The following PALM2AKAP2 variants were observed in gnomAD, a reference collection of about 807,000 sequenced individuals.
The protein encoded by PALM2AKAP2 is PALM2-AKAP2 fusion protein.
In PALM2AKAP2, 37 loss-of-function variants were observed where a neutral mutation model predicts 71.5. The observed-to-expected ratio is 0.52, with a 90% CI of 0.40 to 0.68. The LOEUF is 0.68. Ranked by LOEUF, PALM2AKAP2 falls within the 30% of genes least tolerant of loss-of-function variation. The pLI, the probability that PALM2AKAP2 is intolerant of heterozygous loss-of-function variation, is 0.00. For synonymous variants in PALM2AKAP2, 468 were observed against 478.8 expected (o/e 0.98, Z 0.29); for missense variants, 1,224 against 1,191.8 (o/e 1.03, Z -0.40).
chr9:109,651,513 C>T (rs1176616861), intron 1 of PALM2AKAP2, among the ~76,000 whole-genome samples: 1 of 152,130 alleles, frequency 6.6e-6, no homozygotes, highest in African/African-American at 2.4e-5. Flanking sequence ...TTGGAGTATG[C>T]CATCTGCTTC....
intron 1 of PALM2AKAP2, chr9:110,127,774 T>C (rs1449719640): frequency 2.0e-5 from 3 of 152,232 alleles, no homozygotes; most frequent in African/African-American, 4.8e-5. Flanking sequence ...TTCAATTCTT[T>C]TTGCCCGGCA....
In PALM2AKAP2 at chr9:109,985,580, A is replaced by G. The variant is rs144949215; in HGVS notation, c.497-30374A>G. Among the ~76,000 whole-genome samples the G allele has an allele frequency of 2.3e-3, 341 of 147,232 alleles. 1 individual carries two copies. The highest frequency in any genetic ancestry group is 8.0e-3 in the African/African-American group (319 of 39,990). ...GCTTGCAATGAGCCGAGATGGCACC[A>G]CTGCACTCCAGCCTGGGCGACAGAA... is the stretch of plus-strand genomic sequence containing the variant. On this transcript the variant is annotated intron_variant, in intron 6 of 9. Transcript: ENST00000302798.
At chr9:110,115,917 A>C (rs1288212630) in intron 1 of PALM2AKAP2, among the ~76,000 whole-genome samples, 1 of 152,194 alleles carries the variant, frequency 6.6e-6, no homozygotes, top group East Asian at 1.9e-4. Flanking sequence ...TTCATCGAAA[A>C]AGCATCTCTG....
intron 1 of PALM2AKAP2, among the ~76,000 whole-genome samples, chr9:110,123,030 G>C (rs1308889094): frequency 6.6e-6 from 1 of 152,144 alleles, no homozygotes; most frequent in African/African-American, 2.4e-5. Flanking sequence ...CCACTTTTCT[G>C]GAGTACCTAA....
chr9:109,950,091 G>T (rs753139411), intron 6 of PALM2AKAP2, among the ~76,000 whole-genome samples: 1 of 152,030 alleles, frequency 6.6e-6, no homozygotes, highest in African/African-American at 2.4e-5. Context: ...TCAAGACCAG[G>T]CTAGGCAACA....
intron 1 of PALM2AKAP2, among the ~76,000 whole-genome samples, chr9:109,822,523 T>C (rs1317870265): frequency 6.6e-6 from 1 of 152,210 alleles, no homozygotes; most frequent in Non-Finnish European, 1.5e-5. Context: ...CTCACCCTTT[T>C]CCCACCTTCT....
chr9:110,006,953 G>T (rs1274090666), intron 6 of PALM2AKAP2, among the ~76,000 whole-genome samples: 1 of 152,124 alleles, frequency 6.6e-6, no homozygotes, highest in Non-Finnish European at 1.5e-5. Context: ...CAGTTTTGAT[G>T]ATTCTATTCC....
At chr9:109,736,244 A>G (rs1414065916) in intron 1 of PALM2AKAP2, among the ~76,000 whole-genome samples, 1 of 152,232 alleles carries the variant, frequency 6.6e-6, no homozygotes, top group African/African-American at 2.4e-5. Context: ...AATACATATA[A>G]TTTGTGAATA....
intron 1 of PALM2AKAP2, among the ~76,000 whole-genome samples, chr9:109,691,537 T>C (rs1390370790): frequency 6.6e-6 from 1 of 151,944 alleles, no homozygotes; most frequent in Non-Finnish European, 1.5e-5. Flanking sequence ...GTGTTCTTTG[T>C]AGATGCTGCT....
At chr9:109,923,265 C>T (rs1390973609) in intron 3 of PALM2AKAP2, among the ~76,000 whole-genome samples, 1 of 152,182 alleles carries the variant, frequency 6.6e-6, no homozygotes, top group East Asian at 1.9e-4. Context: ...CACCAGGCTC[C>T]CAAGGGTACT....
intron 1 of PALM2AKAP2, among the ~76,000 whole-genome samples, chr9:109,771,443 C>A (rs1178418132): frequency 6.6e-6 from 1 of 152,038 alleles, no homozygotes; most frequent in Non-Finnish European, 1.5e-5. Flanking sequence ...GTACTAGACA[C>A]CAAATACAGG....
intron 2 of PALM2AKAP2, among the ~76,000 whole-genome samples, chr9:110,154,571 T>C (rs1180044378): frequency 6.6e-6 from 1 of 152,204 alleles, no homozygotes; most frequent in Non-Finnish European, 1.5e-5. Flanking sequence ...ATAGGGGTCA[T>C]TATAGCATTC....
chr9:109,923,035 CT>C (rs1665617691), intron 3 of PALM2AKAP2, among the ~76,000 whole-genome samples: 1 of 152,210 alleles, frequency 6.6e-6, no homozygotes, highest in South Asian at 2.1e-4. Context: ...TATCATTTCA[CT>C]GAAAGAATAT....
At position 110,135,164 on chromosome 9, in the gene PALM2AKAP2, A is replaced by AAAAAAAAATAT; in HGVS notation, c.157-962_157-961insAAAAAAATATA. On this transcript the variant is annotated intron_variant, in intron 1 of 3. Transcript: ENST00000374525. ...AACTCTGTCTCTACAAAAAAAAAAA[A>AAAAAAAAATAT]ATATATAAATATATATATATATATA... is the stretch of plus-strand genomic sequence containing the variant. Among the ~76,000 whole-genome samples the AAAAAAAAATAT allele has an allele frequency of 7.9e-4, 41 of 51,716 alleles. 5 individuals carry two copies. The highest frequency in any genetic ancestry group is 1.5e-3 in the African/African-American group (21 of 13,620). 33.9% of individuals were successfully genotyped at this position (51,716 alleles called of 152,430 possible). A position where few individuals can be genotyped will look rare whatever the true frequency, so the allele number is the denominator to read the frequency against.
chr9:110,006,324 C>T lies in PALM2AKAP2; in HGVS notation c.497-9630C>T, dbSNP rs200607043. On this transcript the variant is annotated intron_variant, in intron 6 of 9. Transcript: ENST00000302798. ...TTTCCCTCCCTTTCCTTCCTTCCTT[C>T]TCTTTCTTTCTTTCTTTCTTTCTTT... Among the ~76,000 whole-genome samples the T allele has an allele frequency of 7.5e-4, 77 of 102,214 alleles. 1 individual carries two copies. The highest frequency in any genetic ancestry group is 2.8e-3 in the African/African-American group (72 of 25,586). The allele number at this position is 102,214 out of a possible 152,430, so 67.1% of individuals were successfully genotyped here.
chr9:110,104,497 C>T (rs1835070964), intron 1 of PALM2AKAP2, among the ~76,000 whole-genome samples: 1 of 152,270 alleles, frequency 6.6e-6, no homozygotes. Context: ...CTCGTCTTAT[C>T]AAGTTCTGAA....
At chr9:109,847,084 G>T (rs1336829356) in intron 1 of PALM2AKAP2, among the ~76,000 whole-genome samples, 1 of 152,094 alleles carries the variant, frequency 6.6e-6, no homozygotes, top group Admixed American at 6.6e-5. Context: ...AGATATATCC[G>T]CATCAAATCC....
At chr9:109,649,538 A>T (rs1037514585) in intron 1 of PALM2AKAP2, among the ~76,000 whole-genome samples, 1 of 152,220 alleles carries the variant, frequency 6.6e-6, no homozygotes, top group Non-Finnish European at 1.5e-5. Context: ...TTTTGAATGT[A>T]TGGAGAGTAG....
chr9:109,793,248 T>G (rs562174269), intron 1 of PALM2AKAP2, among the ~76,000 whole-genome samples: 1 of 152,352 alleles, frequency 6.6e-6, no homozygotes, highest in Non-Finnish European at 1.5e-5. Context: ...GGAGGACAAC[T>G]GGATTTCAGA....
Sources: gnomAD v4.1 joint callset for allele counts (sites outside exome capture counted in the v4.1 genomes callset) on GRCh38, gnomAD v4.1.1 for gene constraint, MANE v1.5 for transcripts, NCBI Gene and HGNC (gene_info 2026-07-23, HGNC 2026-07-21) for gene names.